GLDC: variants seen among roughly 807,000 people sequenced by gnomAD.
GLDC encodes the protein glycine dehydrogenase (decarboxylating), mitochondrial.
Under a neutral mutation model 121.3 loss-of-function variants are expected in GLDC, and 104 were observed. The observed-to-expected ratio is 0.86, with a 90% CI of 0.73 to 1.01. The LOEUF is 1.01. GLDC is among the 50% of genes least tolerant of loss of function. The probability of loss-of-function intolerance (pLI) is 0.00; values close to 1 mark genes in which losing one functional copy is unlikely to be tolerated. For missense variants in GLDC, 1,429 were observed against 1,306.6 expected (o/e 1.09, Z -1.44); for synonymous variants, 546 against 480.6 (o/e 1.14, Z -1.78).
At chr9:6,634,278 C>A (rs1819453172) in intron 2 of GLDC, among the ~76,000 whole-genome samples, 1 of 151,956 alleles carries the variant, frequency 6.6e-6, no homozygotes. Flanking sequence ...GCCTCTAATT[C>A]CAGCACTTTG....
chr9:6,550,334 A>C (rs1197858357), intron 21 of GLDC, among the ~76,000 whole-genome samples: 17 of 152,190 alleles, frequency 1.1e-4, no homozygotes, highest in Non-Finnish European at 2.5e-4. Flanking sequence ...AGTTAACTAA[A>C]GTGGTGTTAT....
chr9:6,607,637 T>C (rs1327042558), intron 4 of GLDC, among the ~76,000 whole-genome samples: 1 of 151,910 alleles, frequency 6.6e-6, no homozygotes, highest in African/African-American at 2.4e-5. Context: ...TATTTATTTA[T>C]TTTTATTTTA....
chr9:6,593,345 T>A (rs184960457), intron 9 of GLDC, among the ~76,000 whole-genome samples: 107 of 151,682 alleles, frequency 7.1e-4, no homozygotes, highest in African/African-American at 2.5e-3. Flanking sequence ...CAGGCTGGAA[T>A]GCAGTGGCAT....
Position 6,626,563 on chromosome 9 carries a change from T to C in GLDC, c.335-6244A>G, listed in dbSNP as rs190945840. Among the ~76,000 whole-genome samples the C allele has an allele frequency of 4.3e-3, 649 of 152,342 alleles. 1 individual carries two copies. The highest frequency in any genetic ancestry group is 0.014 in the African/African-American group (598 of 41,576). On this transcript the variant is annotated intron_variant, in intron 2 of 24. Coordinates refer to ENST00000321612, the MANE Select transcript of GLDC (RefSeq NM_000170.3). ...TTATTTTGTTCTTCATTTATACTAATTGGCCTTTTAAAAATTTCAAGTGTT... is the reference window on the plus strand; with the variant it reads ...TTATTTTGTTCTTCATTTATACTAACTGGCCTTTTAAAAATTTCAAGTGTT...
At chr9:6,602,261 C>T in intron 7 of GLDC, 56 bp from the exon 8 acceptor site, 2 of 1,036,232 alleles carry the variant, frequency 1.9e-6, no homozygotes, top group East Asian at 2.4e-5. Context: ...CTGGGAGATG[C>T]TATAAATAGA....
intron 15 of GLDC, among the ~76,000 whole-genome samples, chr9:6,566,843 C>T (rs980221966): frequency 5.3e-5 from 8 of 151,976 alleles, no homozygotes; most frequent in Non-Finnish European, 1.0e-4. Context: ...CACAGAAAAT[C>T]GGTAAGAATT....
chr9:6,629,710 G>A (rs938597852), intron 2 of GLDC, among the ~76,000 whole-genome samples: 5 of 151,476 alleles, frequency 3.3e-5, no homozygotes, highest in Non-Finnish European at 5.9e-5. Context: ...AAGGGAAAAT[G>A]TATTCAGGTT....
chr9:6,542,656 C>A (rs1187413661), intron 21 of GLDC, among the ~76,000 whole-genome samples: 1 of 151,936 alleles, frequency 6.6e-6, no homozygotes, highest in Non-Finnish European at 1.5e-5. Flanking sequence ...GAGACCGAGG[C>A]AGGAAGATCG....
At chr9:6,561,007 G>A (rs1426084423) in intron 16 of GLDC, among the ~76,000 whole-genome samples, 1 of 152,200 alleles carries the variant, frequency 6.6e-6, no homozygotes, top group African/African-American at 2.4e-5. Flanking sequence ...CAGGAGGCCT[G>A]CAGATGCCAG....
At chr9:6,558,277 G>T in intron 17 of GLDC, 1 of 597,600 alleles carries the variant, frequency 1.7e-6, no homozygotes, top group Non-Finnish European at 3.0e-6. Flanking sequence ...AAGGCGAGAA[G>T]GAGAGGGAAG....
chr9:6,602,843 G>T (rs148876639), intron 7 of GLDC, among the ~76,000 whole-genome samples: 1 of 152,058 alleles, frequency 6.6e-6, no homozygotes, highest in Non-Finnish European at 1.5e-5. Context: ...GAAAAGACTT[G>T]GCTCTCTGTG....
At chr9:6,554,291 C>T (rs536133648) in intron 19 of GLDC, among the ~76,000 whole-genome samples, 14 of 151,884 alleles carry the variant, frequency 9.2e-5, no homozygotes, top group Non-Finnish European at 1.8e-4. Context: ...GAACCATTAG[C>T]TGATTTTAAA....
chr9:6,533,492 A>G (rs1817044490), intron 24 of GLDC, among the ~76,000 whole-genome samples: 1 of 152,172 alleles, frequency 6.6e-6, no homozygotes, highest in African/African-American at 2.4e-5. Flanking sequence ...TTGGATATTT[A>G]GCTGACCTTC....
intron 15 of GLDC, among the ~76,000 whole-genome samples, chr9:6,570,683 G>A (rs929156084): frequency 6.6e-5 from 10 of 151,890 alleles, no homozygotes; most frequent in East Asian, 3.9e-4. Context: ...GCGAAACTTC[G>A]TCTCTACTAA....
intron 2 of GLDC, 164 bp downstream of exon 2, chr9:6,644,450 A>T: frequency 3.0e-6 from 2 of 671,744 alleles, no homozygotes; most frequent in Non-Finnish European, 5.4e-6. Flanking sequence ...AGAACCAAAT[A>T]TCCCACCTTC....
chr9:6,614,118 G>C (rs1031603537), intron 3 of GLDC, among the ~76,000 whole-genome samples: 3 of 152,104 alleles, frequency 2.0e-5, no homozygotes, highest in Non-Finnish European at 2.9e-5. Context: ...CCAGAGCATA[G>C]TACCATGTTC....
intron 15 of GLDC, 24 bp downstream of exon 15, chr9:6,587,117 C>T (rs746382170): frequency 3.1e-6 from 5 of 1,601,510 alleles, no homozygotes; most frequent in Non-Finnish European, 4.3e-6. Flanking sequence ...ATTGCTGAAA[C>T]AATAAGAAAA....
intron 17 of GLDC, among the ~76,000 whole-genome samples, chr9:6,557,218 C>T (rs939134679): frequency 2.0e-5 from 3 of 151,938 alleles, no homozygotes; most frequent in African/African-American, 7.2e-5. Flanking sequence ...ATGCTGATTA[C>T]CCTGATCTGA....
At chr9:6,571,948 G>C (rs551087597) in intron 15 of GLDC, among the ~76,000 whole-genome samples, 1 of 152,272 alleles carries the variant, frequency 6.6e-6, no homozygotes, top group East Asian at 1.9e-4. Flanking sequence ...TAATTCAATG[G>C]AGGAAAGATC....
Sources: gnomAD v4.1 joint callset for allele counts (sites outside exome capture counted in the v4.1 genomes callset) on GRCh38, gnomAD v4.1.1 for gene constraint, MANE v1.5 for transcripts, NCBI Gene and HGNC (gene_info 2026-07-23, HGNC 2026-07-21) for gene names.